Variants in SNX14 observed in about 807,000 individuals in gnomAD.
The protein encoded by SNX14 is sorting nexin-14.
A neutral mutation model predicts 133.8 loss-of-function variants in SNX14; 93 were observed. That is an observed-to-expected ratio of 0.70 (90% CI 0.59 to 0.83). The LOEUF is 0.83. Among genes scored for constraint, SNX14 ranks in the 40% least tolerant of loss-of-function variants. The probability of loss-of-function intolerance (pLI) is 0.00; values close to 1 mark genes in which losing one functional copy is unlikely to be tolerated. For missense variants in SNX14, 945 were observed against 1,094.9 expected (o/e 0.86, Z 1.93); for synonymous variants, 368 against 365.6 (o/e 1.01, Z -0.07).
Position 85,542,118 on chromosome 6 carries a change from A to G in SNX14, c.1390-75T>C, listed in dbSNP as rs915224481. 91 of 1,040,186 alleles carry G rather than the reference A, an allele frequency of 8.7e-5. 1 individual carries two copies. Among genetic ancestry groups the G allele is most frequent in the African/African-American group, 2.1e-4 (13 of 60,470 alleles). The allele number at this position is 1,040,186 out of a possible 1,614,324, so 64.4% of individuals were successfully genotyped here. ...TTAAAACATGTTACCTTAGTTTACT[A>G]CTTTCCAGTTTTGGGAAAAAAAAAA... On this transcript the variant is annotated intron_variant, in intron 14 of 28. Transcript: ENST00000314673.
At chr6:85,547,947 A>G (rs1212399290) in intron 9 of SNX14, among the ~76,000 whole-genome samples, 2 of 152,234 alleles carry the variant, frequency 1.3e-5, no homozygotes, top group African/African-American at 4.8e-5. Flanking sequence ...ACATGCTACA[A>G]CATGGATGAA....
At chr6:85,569,204 C>T (rs541520685) in intron 4 of SNX14, among the ~76,000 whole-genome samples, 11 of 152,228 alleles carry the variant, frequency 7.2e-5, no homozygotes, top group South Asian at 2.1e-4. Flanking sequence ...TTAGGTGATC[C>T]GCCCACCTCG....
intron 15 of SNX14, among the ~76,000 whole-genome samples, chr6:85,539,249 C>T (rs1782861192): frequency 6.6e-6 from 1 of 152,094 alleles, no homozygotes; most frequent in Non-Finnish European, 1.5e-5. Flanking sequence ...CTTAGGCATA[C>T]CATTTCTTTC....
Position 85,543,176 on chromosome 6 carries a change from A to G in SNX14, c.1389+6T>C. ...ATCCTCAAACAAGGTTAATATTTTG[A>G]CTTACCTCATCACTATGGCAGAACA... On this transcript the variant is annotated splice_donor_region_variant and intron_variant, in intron 14 of 28. Transcript: ENST00000314673. 1 of 1,534,004 alleles carries G rather than the reference A, an allele frequency of 6.5e-7. No homozygotes were observed. Among genetic ancestry groups the G allele is most frequent in the Non-Finnish European group, 8.7e-7 (1 of 1,146,276 alleles).
chr6:85,536,972 C>A (rs1381774297), intron 16 of SNX14, 48 bp from the exon 17 acceptor site: 5 of 1,551,002 alleles, frequency 3.2e-6, no homozygotes, highest in African/African-American at 2.8e-5. Context: ...ATTATCACAA[C>A]AGTCTAGTTT....
intron 23 of SNX14, chr6:85,517,513 C>A: frequency 3.3e-6 from 1 of 305,972 alleles, no homozygotes; most frequent in Non-Finnish European, 5.8e-6. Context: ...TTAAAAATCC[C>A]CAAATACAGA....
chr6:85,573,530 A>G (rs1227054694), intron 2 of SNX14, among the ~76,000 whole-genome samples: 2 of 152,190 alleles, frequency 1.3e-5, no homozygotes, highest in Non-Finnish European at 2.9e-5. Flanking sequence ...CCTAATCTAC[A>G]GACCAGAACC....
chr6:85,516,722 C>G (rs999265977), intron 23 of SNX14, among the ~76,000 whole-genome samples: 2 of 150,492 alleles, frequency 1.3e-5, no homozygotes, highest in Non-Finnish European at 2.9e-5. Flanking sequence ...ACTGCAACCT[C>G]CACCTCCCAG....
chr6:85,582,841 G>A (rs1043671349), intron 1 of SNX14, among the ~76,000 whole-genome samples: 1 of 152,080 alleles, frequency 6.6e-6, no homozygotes, highest in East Asian at 1.9e-4. Flanking sequence ...TCTACCAAAG[G>A]TACAAAGAGG....
At chr6:85,573,539 C>A (rs1796339660) in intron 2 of SNX14, among the ~76,000 whole-genome samples, 1 of 152,098 alleles carries the variant, frequency 6.6e-6, no homozygotes, top group Admixed American at 6.5e-5. Context: ...CAGACCAGAA[C>A]CTTGCTTTAC....
intron 17 of SNX14, among the ~76,000 whole-genome samples, chr6:85,534,145 G>A (rs905200961): frequency 6.6e-6 from 1 of 152,142 alleles, no homozygotes; most frequent in Non-Finnish European, 1.5e-5. Flanking sequence ...AGGCACTGCT[G>A]CCAAATGATC....
At chr6:85,506,313 C>T (rs1011971600) in intron 28 of SNX14, among the ~76,000 whole-genome samples, 1 of 148,666 alleles carries the variant, frequency 6.7e-6, no homozygotes, top group Non-Finnish European at 1.5e-5. Flanking sequence ...ATCACAATAA[C>T]TTGAAAATTT....
chr6:85,544,611 G>C (rs1336655061), intron 12 of SNX14, among the ~76,000 whole-genome samples: 2 of 152,066 alleles, frequency 1.3e-5, no homozygotes, highest in East Asian at 3.9e-4. Context: ...CCAGCCTAGG[G>C]AACATAGTGA....
At chr6:85,569,631 A>G (rs934279713) in intron 4 of SNX14, among the ~76,000 whole-genome samples, 2 of 152,218 alleles carry the variant, frequency 1.3e-5, no homozygotes, top group Non-Finnish European at 2.9e-5. Context: ...CTAAAGGGCC[A>G]CATAAAATCC....
intron 18 of SNX14, among the ~76,000 whole-genome samples, chr6:85,531,693 T>C (rs537395221): frequency 6.6e-6 from 1 of 152,148 alleles, no homozygotes; most frequent in South Asian, 2.1e-4. Context: ...ACATTGACAG[T>C]AGAAGTCTGC....
chr6:85,527,613 T>A (rs560583856), intron 20 of SNX14, among the ~76,000 whole-genome samples: 9 of 152,234 alleles, frequency 5.9e-5, no homozygotes, highest in African/African-American at 1.9e-4. Context: ...TCCTCCCTTG[T>A]AAGCACTTGA....
At chr6:85,559,544 C>G (rs928100571) in intron 6 of SNX14, among the ~76,000 whole-genome samples, 5 of 152,126 alleles carry the variant, frequency 3.3e-5, no homozygotes, top group African/African-American at 1.2e-4. Context: ...ATTATGCAGG[C>G]AACAGAATCA....
At chr6:85,561,278 G>C (rs1791486656) in intron 6 of SNX14, 1 of 150,718 alleles carries the variant, frequency 6.6e-6, no homozygotes, top group Non-Finnish European at 1.5e-5. Flanking sequence ...AGCCTGGAAG[G>C]CACAGGTTGC....
intron 6 of SNX14, among the ~76,000 whole-genome samples, chr6:85,560,699 G>A (rs920166381): frequency 3.3e-5 from 5 of 152,094 alleles, no homozygotes; most frequent in Admixed American, 1.3e-4. Flanking sequence ...ACCACTCCAA[G>A]TATGAGGTGC....
Sources: allele counts gnomAD v4.1 joint callset (sites outside exome capture counted in the v4.1 genomes callset), GRCh38; gene constraint gnomAD v4.1.1; transcripts MANE v1.5; gene names NCBI Gene and HGNC (gene_info 2026-07-23, HGNC 2026-07-21).